Variants in TFIP11 observed in about 807,000 individuals in gnomAD.
TFIP11 encodes the protein tuftelin interacting protein 11, also known as tuftelin-interacting protein 11.
Under a neutral mutation model 96.8 loss-of-function variants are expected in TFIP11, and 86 were observed. The observed-to-expected ratio is 0.89, with a 90% CI of 0.75 to 1.06. The LOEUF is 1.06. TFIP11 is among the 50% of genes least tolerant of loss of function. TFIP11 has a pLI of 0.00. For synonymous variants in TFIP11, 405 were observed against 395.2 expected (o/e 1.02, Z -0.29); for missense variants, 881 against 1,076.7 (o/e 0.82, Z 2.54).
Position 26,491,370 on chromosome 22 carries a change from AGT to A in TFIP11, c.*641_*642del, listed in dbSNP as rs942998384. The A allele has an allele frequency of 1.9e-6, 2 of 1,028,764 alleles. No homozygotes were observed. The highest frequency in any genetic ancestry group is 2.9e-6 in the Non-Finnish European group (2 of 688,180). 63.7% of individuals were successfully genotyped at this position (1,028,764 alleles called of 1,614,324 possible). On this transcript the variant is annotated 3_prime_UTR_variant, in exon 15 of 15. Coordinates refer to ENST00000407690, the MANE Select transcript of TFIP11 (RefSeq NM_012143.4). Reference sequence around the variant, plus strand: ...TATTTGTTATTTTTTTAAAAAGTAAAGTGGGGATGACAAGTAAAGTGGAAATT... The same window carrying A: ...TATTTGTTATTTTTTTAAAAAGTAAAGGGGATGACAAGTAAAGTGGAAATT...
chr22:26,510,029 A>C, intron 4 of TFIP11, 35 bp downstream of exon 4: 1 of 1,607,478 alleles, frequency 6.2e-7, no homozygotes, highest in Admixed American at 1.7e-5. Flanking sequence ...CTCTTCCCTA[A>C]AGCAAGGTGA....
intron 12 of TFIP11, 106 bp from the exon 13 acceptor site, chr22:26,495,045 TCCGC>T: frequency 6.8e-7 from 1 of 1,475,056 alleles, no homozygotes. Context: ...TACAGCAACC[TCCGC>T]CTCCCGGGTT....
rs1457508994 is a variant in TFIP11, at chr22:26,492,607, A to T, written c.2159-239T>A. On this transcript the variant is annotated intron_variant, in intron 14 of 14. Transcript: ENST00000407690. ...CAGATTATTAATATTCAACATTTTAAAATGAAGTATCTGCAAGGGATTTCT... is the reference window on the plus strand; with the variant it reads ...CAGATTATTAATATTCAACATTTTATAATGAAGTATCTGCAAGGGATTTCT... 7.7e-6 allele frequency: 4 copies of T among 519,782 alleles called. No individual in the cohort carries two copies. The East Asian group carries it at 1.3e-4, about 17-fold the overall frequency. 32.2% of individuals were successfully genotyped at this position (519,782 alleles called of 1,614,324 possible). A position where few individuals can be genotyped will look rare whatever the true frequency, so the allele number is the denominator to read the frequency against.
Position 26,498,891 on chromosome 22 carries a change from G to A in TFIP11, c.1414C>T (p.Leu472Phe), listed in dbSNP as rs773133932. ...DQLLSHGGQD[L>F]SADAFHRLIW... Reference sequence around the variant, plus strand: ...TACCTGTGAAAGGCATCTGCTGAGAGGTCCTGTCCGCCATGGGACAAGAGC... The same window carrying A: ...TACCTGTGAAAGGCATCTGCTGAGAAGTCCTGTCCGCCATGGGACAAGAGC... Residue 472 changes from leucine (L) to phenylalanine (F), a missense_variant, in exon 10 of 15, where the codon CTC (leucine) becomes TTC (phenylalanine). Transcript: ENST00000407690. 6.2e-7 allele frequency: 1 copy of A among 1,613,904 alleles called. No individual in the cohort carries two copies. The highest frequency in any genetic ancestry group is 8.5e-7 in the Non-Finnish European group (1 of 1,179,946).
Position 26,491,385 on chromosome 22 carries a change from T to G in TFIP11, c.*628A>C. The G allele has an allele frequency of 8.6e-7, 1 of 1,158,986 alleles. No homozygotes were observed. The highest frequency in any genetic ancestry group is 1.2e-6 in the Non-Finnish European group (1 of 800,878). 71.8% of individuals were successfully genotyped at this position (1,158,986 alleles called of 1,614,324 possible). A position where few individuals can be genotyped will look rare whatever the true frequency, so the allele number is the denominator to read the frequency against. On this transcript the variant is annotated 3_prime_UTR_variant, in exon 15 of 15. Transcript: ENST00000407690. ...TAAAAAGTAAAGTGGGGATGACAAG[T>G]AAAGTGGAAATTTATCCCAGAAGAG...
In TFIP11 at chr22:26,499,448, C is replaced by T. The variant is rs774829895; in HGVS notation, c.985G>A (p.Asp329Asn). ...TGGATGATCTCCTGCTCCGTGAGGTCGATGAGCAGCTGCAGGTTGTGCTCC... is the reference window on the plus strand; with the variant it reads ...TGGATGATCTCCTGCTCCGTGAGGTTGATGAGCAGCTGCAGGTTGTGCTCC... ...ELEHNLQLLI[D>N]LTEQEIIQND... Residue 329 changes from aspartate (D) to asparagine (N), a missense_variant, in exon 9 of 15, where the codon GAC becomes AAC. Asp to Asn is a conservative substitution (Grantham distance 23). Coordinates refer to ENST00000407690, the MANE Select transcript of TFIP11 (RefSeq NM_012143.4). 7 of 1,614,068 alleles carry T rather than the reference C, an allele frequency of 4.3e-6. No homozygotes were observed. In the African/African-American group the frequency reaches 5.3e-5, roughly 12 times the overall value.
rs1345515761 is a variant in TFIP11 at position 26,499,105 on chromosome 22, T to G, written c.1328A>C (p.Lys443Thr). 2 of 1,589,676 alleles carry G rather than the reference T, an allele frequency of 1.3e-6. No homozygotes were observed. Among genetic ancestry groups the G allele is most frequent in the Non-Finnish European group, 8.6e-7 (1 of 1,164,572 alleles). ...AGGTTGATTTTCCCAGCAACTCACTTTGAGGGGATCCCACTCCTTGAAGTA... is the reference window on the plus strand; with the variant it reads ...AGGTTGATTTTCCCAGCAACTCACTGTGAGGGGATCCCACTCCTTGAAGTA... ...KEYFKEWDPL[K>T]DCTYGTEIIS... is the part of the protein sequence containing the mutation. Residue 443 changes from lysine to threonine, a missense_variant and splice_region_variant, in exon 9 of 15, where the codon AAA becomes ACA. Transcript: ENST00000407690.
Position 26,499,408 on chromosome 22 carries a change from A to C in TFIP11, c.1025T>G (p.Leu342Arg). 1 of 1,614,148 alleles carries C rather than the reference A, an allele frequency of 6.2e-7. No individual in the cohort carries two copies. Among genetic ancestry groups the C allele is most frequent in the Non-Finnish European group, 8.5e-7 (1 of 1,179,994 alleles). Residue 342 changes from leucine to arginine, a missense_variant, in exon 9 of 15, where the codon CTA becomes CGA. Coordinates refer to ENST00000407690, the MANE Select transcript of TFIP11 (RefSeq NM_012143.4). ...EQEIIQNDRQ[L>R]QYERDMVVNL... The stretch of plus-strand genomic sequence containing the variant: ...GACCACCATGTCCCGCTCATACTGT[A>C]GCTGCCGGTCATTCTGGATGATCTC...
At chr22:26,497,701 C>T (rs950580051) in intron 10 of TFIP11, among the ~76,000 whole-genome samples, 7 of 152,088 alleles carry the variant, frequency 4.6e-5, no homozygotes, top group Non-Finnish European at 8.8e-5. Context: ...CATGGTGAAA[C>T]CCTGTCTCTA....
Position 26,507,006 on chromosome 22 carries a change from G to A in TFIP11, c.210-78C>T, listed in dbSNP as rs528858602. 2.2e-5 allele frequency: 34 copies of A among 1,522,830 alleles called. No homozygotes were observed. The Admixed American group carries it at 3.4e-4, about 15-fold the overall frequency. 94.3% of individuals were successfully genotyped at this position (1,522,830 alleles called of 1,614,324 possible). A position where few individuals can be genotyped will look rare whatever the true frequency, so the allele number is the denominator to read the frequency against. ...GCAGCGATCCTTTTGCAGAAACTAC[G>A]TGCTTGAAGACTCCTTAGAGTGAAT... On this transcript the variant is annotated intron_variant, in intron 4 of 14. Coordinates refer to ENST00000407690, the MANE Select transcript of TFIP11 (RefSeq NM_012143.4).
Position 26,491,910 on chromosome 22 carries a change from G to T in TFIP11, c.*103C>A. ...CCTGGCCTGATGTGGAGTAGCTCCT[G>T]AGTAAAGAAGTTACCCTTTTGAAGG... On this transcript the variant is annotated 3_prime_UTR_variant, in exon 15 of 15. Transcript: ENST00000407690. The T allele has an allele frequency of 8.3e-7, 1 of 1,199,590 alleles. No individual in the cohort carries two copies. The highest frequency in any genetic ancestry group is 1.5e-5 in the South Asian group (1 of 66,194). The allele number at this position is 1,199,590 out of a possible 1,614,324, so 74.3% of individuals were successfully genotyped here. A position where few individuals can be genotyped will look rare whatever the true frequency, so the allele number is the denominator to read the frequency against.
rs118144469 is a variant in TFIP11, at chr22:26,501,873, G to C, written c.801+27C>G. 4.4e-5 allele frequency: 68 copies of C among 1,528,226 alleles called. No homozygotes were observed. In the East Asian group the frequency reaches 1.5e-3, roughly 35 times the overall value. 94.7% of individuals were successfully genotyped at this position (1,528,226 alleles called of 1,614,324 possible). A position where few individuals can be genotyped will look rare whatever the true frequency, so the allele number is the denominator to read the frequency against. On this transcript the variant is annotated intron_variant, in intron 8 of 14. Coordinates refer to ENST00000407690, the MANE Select transcript of TFIP11 (RefSeq NM_012143.4). Reference sequence around the variant, plus strand: ...TGATTATTTCTGGGGTGTGGATCCTGTACCAGGTGTCCAAGGGCCCCTGTA... The same window carrying C: ...TGATTATTTCTGGGGTGTGGATCCTCTACCAGGTGTCCAAGGGCCCCTGTA...
intron 10 of TFIP11, among the ~76,000 whole-genome samples, chr22:26,497,348 T>TC (rs936355172): frequency 6.6e-6 from 1 of 152,170 alleles, no homozygotes; most frequent in African/African-American, 2.4e-5. Context: ...CTACCTTACT[T>TC]CCCATCTGCT....
intron 8 of TFIP11, 110 bp downstream of exon 8, chr22:26,501,784 CCAAAAA>C (rs1922818201): frequency 1.6e-6 from 1 of 613,258 alleles, no homozygotes; most frequent in African/African-American, 3.0e-5. Flanking sequence ...AAGCAAGGTA[CCAAAAA>C]AAAAAAAAAA....
chr22:26,493,787 CTG>C (rs1271030264), intron 14 of TFIP11: 2 of 257,780 alleles, frequency 7.8e-6, no homozygotes, highest in Non-Finnish European at 1.5e-5. Context: ...AAACTCCACA[CTG>C]TAAGATGCGT....
chr22:26,510,304 C>T, intron 3 of TFIP11, 23 bp from the exon 4 acceptor site: 5 of 1,610,704 alleles, frequency 3.1e-6, no homozygotes, highest in Non-Finnish European at 4.2e-6. Context: ...ACAAAAAGAG[C>T]ACAGGCCGTA....
In TFIP11 at chr22:26,503,571, T is replaced by C. The variant is rs1304645341; in HGVS notation, c.648+95A>G. ...TACCTGGCATACGGTACATGTACAA[T>C]AAACATCTGAGGACTAACAGAATGA... is the stretch of plus-strand genomic sequence containing the variant. On this transcript the variant is annotated intron_variant, in intron 7 of 14. Coordinates refer to ENST00000407690, the MANE Select transcript of TFIP11 (RefSeq NM_012143.4). The C allele has an allele frequency of 2.7e-6, 4 of 1,504,408 alleles. No homozygotes were observed. In the Admixed American group the frequency reaches 7.5e-5, roughly 28 times the overall value. 93.2% of individuals were successfully genotyped at this position (1,504,408 alleles called of 1,614,324 possible).
chr22:26,503,866 G>C (rs1052656738), intron 6 of TFIP11, 73 bp from the exon 7 acceptor site: 1 of 1,572,504 alleles, frequency 6.4e-7, no homozygotes, highest in African/African-American at 1.4e-5. Context: ...CAGCCACTCA[G>C]TGAAATGACA....
In TFIP11 at chr22:26,499,342, T is replaced by A; in HGVS notation, c.1091A>T (p.Asp364Val). 1.2e-6 allele frequency: 2 copies of A among 1,614,142 alleles called. No homozygotes were observed. ...GTTCGAGATGACCCGCTCCTCGTGG[T>A]CCAGGACCTCGGTCATCTTCTCCAG... ...HELEKMTEVL[D>V]HEERVISNLS... The change falls in exon 9 of 15, where the codon GAC becomes GTC. Residue 364 changes from aspartate (D) to valine (V), a missense_variant. Coordinates refer to ENST00000407690, the MANE Select transcript of TFIP11 (RefSeq NM_012143.4).
Sources: gnomAD v4.1 joint callset for allele counts (sites outside exome capture counted in the v4.1 genomes callset) on GRCh38, gnomAD v4.1.1 for gene constraint, MANE v1.5 for transcripts, NCBI Gene and HGNC (gene_info 2026-07-23, HGNC 2026-07-21) for gene names.